The following ZFPM1 variants were observed in gnomAD, a reference collection of about 807,000 sequenced individuals.
ZFPM1 encodes the protein zinc finger protein ZFPM1.
ZFPM1 carries 28 observed loss-of-function variants against 46.3 expected under a neutral mutation model. The observed-to-expected ratio is 0.60, with a 90% CI of 0.45 to 0.83. The LOEUF (loss-of-function observed/expected upper bound fraction) is 0.83, where lower values mean the gene tolerates loss of function less well. Among genes scored for constraint, ZFPM1 ranks in the 40% least tolerant of loss-of-function variants. ZFPM1 has a pLI of 0.00. For missense variants in ZFPM1, 1,878 were observed against 1,432.4 expected (o/e 1.31, Z -5.02); for synonymous variants, 957 against 675.9 (o/e 1.42, Z -6.45).
intron 3 of ZFPM1, among the ~76,000 whole-genome samples, chr16:88,495,772 C>G (rs1909897057): frequency 6.6e-6 from 1 of 152,130 alleles, no homozygotes; most frequent in Admixed American, 6.5e-5. Flanking sequence ...GGCCAGGAGC[C>G]CACTTGGGGG....
At chr16:88,490,649 C>A (rs1278956777) in intron 3 of ZFPM1, among the ~76,000 whole-genome samples, 2 of 152,210 alleles carry the variant, frequency 1.3e-5, no homozygotes, top group African/African-American at 4.8e-5. Flanking sequence ...TTTAACGCTG[C>A]CCCTTCCCAC....
chr16:88,454,159 C>G (rs1907428590), intron 1 of ZFPM1, among the ~76,000 whole-genome samples: 1 of 152,200 alleles, frequency 6.6e-6, no homozygotes, highest in Non-Finnish European at 1.5e-5. Flanking sequence ...AGAGAGAGAC[C>G]TGGGAGGCAG....
At chr16:88,461,795 G>C (rs773033479) in intron 1 of ZFPM1, among the ~76,000 whole-genome samples, 12 of 152,156 alleles carry the variant, frequency 7.9e-5, no homozygotes, top group Non-Finnish European at 1.5e-4. Flanking sequence ...CCCCAGCCCC[G>C]GCTGTCCTCT....
rs368217711 is a variant in ZFPM1, at chr16:88,526,780, C to A, written c.403-34C>A. 29 of 1,522,846 alleles carry A rather than the reference C, an allele frequency of 1.9e-5. No individual in the cohort carries two copies. In the African/African-American group the frequency reaches 2.5e-4, roughly 13 times the overall value. 94.3% of individuals were successfully genotyped at this position (1,522,846 alleles called of 1,614,324 possible). A position where few individuals can be genotyped will look rare whatever the true frequency, so the allele number is the denominator to read the frequency against. The stretch of plus-strand genomic sequence containing the variant: ...AACCCCCAGGCAGGCTGCTGACGGA[C>A]CCCTCCCCACGTGTTCCTACCCTCC... On this transcript the variant is annotated intron_variant, in intron 4 of 9. Coordinates refer to ENST00000319555, the MANE Select transcript of ZFPM1 (RefSeq NM_153813.3).
At chr16:88,488,661 C>G (rs1303476021) in intron 2 of ZFPM1, among the ~76,000 whole-genome samples, 1 of 152,054 alleles carries the variant, frequency 6.6e-6, no homozygotes, top group Non-Finnish European at 1.5e-5. Flanking sequence ...GCCCTTTGGG[C>G]TGGAATCGGT....
chr16:88,515,096 TATGAC>T (rs1402254774), intron 4 of ZFPM1, among the ~76,000 whole-genome samples: 4 of 152,224 alleles, frequency 2.6e-5, no homozygotes, highest in Admixed American at 2.0e-4. Flanking sequence ...ACCTCCAACT[TATGAC>T]AAGTCAGTTC....
intron 1 of ZFPM1, among the ~76,000 whole-genome samples, chr16:88,453,930 T>G (rs891805714): frequency 6.6e-6 from 1 of 151,934 alleles, no homozygotes; most frequent in Non-Finnish European, 1.5e-5. Flanking sequence ...GGAGGGTGTT[T>G]GGGGGCGCGG....
At chr16:88,462,547 G>A (rs1437385017) in intron 1 of ZFPM1, among the ~76,000 whole-genome samples, 2 of 152,206 alleles carry the variant, frequency 1.3e-5, no homozygotes, top group African/African-American at 4.8e-5. Flanking sequence ...GACCTGCATG[G>A]CTGCCTGTGC....
chr16:88,498,624 G>A (rs12447946), intron 3 of ZFPM1, among the ~76,000 whole-genome samples: 8,568 of 152,024 alleles, frequency 0.056, 281 homozygotes, highest in South Asian at 0.12. Context: ...CTGAGCCGAC[G>A]TTTGAGTTCC....
At chr16:88,532,966 C>G in intron 9 of ZFPM1, 31 bp downstream of exon 9, 1 of 1,611,340 alleles carries the variant, frequency 6.2e-7, no homozygotes, top group Non-Finnish European at 8.5e-7. Flanking sequence ...CACCCCTGCC[C>G]CTTAGGCCCC....
chr16:88,490,093 G>A (rs1428467245), intron 3 of ZFPM1, among the ~76,000 whole-genome samples: 4 of 150,196 alleles, frequency 2.7e-5, no homozygotes, highest in East Asian at 2.0e-4. Context: ...TCACTCTGTC[G>A]CCCAGGCTGG....
chr16:88,488,365 C>T (rs142867899), intron 2 of ZFPM1, among the ~76,000 whole-genome samples: 125 of 152,346 alleles, frequency 8.2e-4, no homozygotes, highest in African/African-American at 2.7e-3. Flanking sequence ...GTAGTGATAG[C>T]GTGGCGATGG....
intron 1 of ZFPM1, among the ~76,000 whole-genome samples, chr16:88,476,180 A>G (rs546027542): frequency 6.6e-5 from 10 of 152,094 alleles, no homozygotes; most frequent in African/African-American, 2.4e-4. Context: ...CCCCAGGGTG[A>G]GCAGGCTGAG....
chr16:88,463,566 G>A (rs891707592), intron 1 of ZFPM1, among the ~76,000 whole-genome samples: 3 of 152,254 alleles, frequency 2.0e-5, no homozygotes, highest in African/African-American at 4.8e-5. Context: ...CCTTCTCCCG[G>A]CAGCCTTTGA....
rs1242551798 is a variant in ZFPM1, at chr16:88,497,481, C to T, written c.268+8328C>T. ...AGGGGTCAGGGTGGGGCTCAGGGCC[C>T]GGGCGGGGATGGGGTTCAGAGGGGT... On this transcript the variant is annotated intron_variant, in intron 3 of 9. Transcript: ENST00000319555. The surrounding 1 kb of genome is among the most constrained non-coding windows in gnomAD (Gnocchi z 5.4). Among the ~76,000 whole-genome samples, 8 of 8,606 alleles carry T rather than the reference C, an allele frequency of 9.3e-4. No individual in the cohort carries two copies. Among genetic ancestry groups the T allele is most frequent in the Middle Eastern group, 0.05 (1 of 20 alleles). 5.6% of individuals were successfully genotyped at this position (8,606 alleles called of 152,430 possible). A position where few individuals can be genotyped will look rare whatever the true frequency, so the allele number is the denominator to read the frequency against.
chr16:88,486,125 G>T (rs1297906428), intron 2 of ZFPM1, 82 bp downstream of exon 2: 18 of 1,388,194 alleles, frequency 1.3e-5, no homozygotes, highest in Non-Finnish European at 1.7e-5. Flanking sequence ...GAGCTCAGTG[G>T]TGTCTGAGAG....
At chr16:88,483,939 C>A (rs993869553) in intron 1 of ZFPM1, among the ~76,000 whole-genome samples, 1 of 152,222 alleles carries the variant, frequency 6.6e-6, no homozygotes, top group South Asian at 2.1e-4. Context: ...CACAGCATTT[C>A]TCCTTCTCTC....
At chr16:88,481,681 C>T (rs1908949485) in intron 1 of ZFPM1, among the ~76,000 whole-genome samples, 1 of 152,074 alleles carries the variant, frequency 6.6e-6, no homozygotes, top group African/African-American at 2.4e-5. Context: ...CCCTGTCCCC[C>T]TGCACTTTCC....
In ZFPM1 at chr16:88,533,734, C is replaced by T; in HGVS notation, c.1776C>T (p.Tyr592=). The part of the protein sequence containing the change: ...CEITFSNVNN[Y]YVHKRLYCSG... ...TCACCTTCAGCAACGTCAACAACTA[C>T]TACGTGCACAAGCGCCTCTACTGTT... Residue 592 remains tyrosine, a synonymous_variant, in exon 10 of 10, where the codon TAC becomes TAT. Transcript: ENST00000319555. 6.6e-7 allele frequency: 1 copy of T among 1,509,814 alleles called. No individual in the cohort carries two copies. Among genetic ancestry groups the T allele is most frequent in the Non-Finnish European group, 8.9e-7 (1 of 1,123,400 alleles). 93.5% of individuals were successfully genotyped at this position (1,509,814 alleles called of 1,614,324 possible).
Sources: gnomAD v4.1 joint callset for allele counts (sites outside exome capture counted in the v4.1 genomes callset) on GRCh38, gnomAD v4.1.1 for gene constraint, Gnocchi (gnomAD v3.1) non-coding constraint, MANE v1.5 for transcripts, NCBI Gene and HGNC (gene_info 2026-07-23, HGNC 2026-07-21) for gene names.